The following H3-3B variants were observed in gnomAD, a reference collection of about 807,000 sequenced individuals.
H3-3B encodes the protein histone H3.3.
A neutral mutation model predicts 13.1 loss-of-function variants in H3-3B; 2 were observed. The ratio of observed to expected loss-of-function variants is 0.15; its 90% confidence interval spans 0.06 to 0.48. H3-3B has a LOEUF of 0.48. Among genes scored for constraint, H3-3B ranks in the 20% least tolerant of loss-of-function variants. H3-3B has a pLI of 0.97. For missense variants in H3-3B, 39 were observed against 186.0 expected (o/e 0.21, Z 4.60); for synonymous variants, 133 against 75.8 (o/e 1.76, Z -3.92).
rs959670146 is a variant in H3-3B at position 75,777,113 on chromosome 17, C to G, written c.*1482G>C. The G allele has an allele frequency of 6.6e-6, 1 of 152,178 alleles. No homozygotes were observed. Among genetic ancestry groups the G allele is most frequent in the Admixed American group, 6.5e-5 (1 of 15,280 alleles). 9.4% of individuals were successfully genotyped at this position (152,178 alleles called of 1,614,324 possible). On this transcript the variant is annotated 3_prime_UTR_variant, in exon 4 of 4. Coordinates refer to ENST00000254810, the MANE Select transcript of H3-3B (RefSeq NM_005324.5). ...ATGCTGTCTCACTGACATCCACGTACTATGCTTTAGTGGCCATCATCGCAC... is the reference window on the plus strand; with the variant it reads ...ATGCTGTCTCACTGACATCCACGTAGTATGCTTTAGTGGCCATCATCGCAC...
Position 75,778,373 on chromosome 17 carries a change from A to C in H3-3B, c.*222T>G. ...TGCATCATGAGAAGCAAGAAGTATC[A>C]CCCATCCCTTCTGCATATTAGCAAC... On this transcript the variant is annotated 3_prime_UTR_variant, in exon 4 of 4. Coordinates refer to ENST00000254810, the MANE Select transcript of H3-3B (RefSeq NM_005324.5). 1 of 579,940 alleles carries C rather than the reference A, an allele frequency of 1.7e-6. No homozygotes were observed. The allele number at this position is 579,940 out of a possible 1,614,324, so 35.9% of individuals were successfully genotyped here. A position where few individuals can be genotyped will look rare whatever the true frequency, so the allele number is the denominator to read the frequency against.
rs976287954 is a variant in H3-3B at position 75,776,471 on chromosome 17, G to A, written c.*2124C>T. 3 of 152,144 alleles carry A rather than the reference G, an allele frequency of 2.0e-5. No individual in the cohort carries two copies. Among genetic ancestry groups the A allele is most frequent in the African/African-American group, 4.8e-5 (2 of 41,428 alleles). The allele number at this position is 152,144 out of a possible 1,614,324, so 9.4% of individuals were successfully genotyped here. A position where few individuals can be genotyped will look rare whatever the true frequency, so the allele number is the denominator to read the frequency against. On this transcript the variant is annotated 3_prime_UTR_variant, in exon 4 of 4. Transcript: ENST00000254810. Reference sequence around the variant, plus strand: ...ATTTTATTTTAGTCTCATCCATCAAGGGCATAGGATACCTGCATCAGCTGC... The same window carrying A: ...ATTTTATTTTAGTCTCATCCATCAAAGGCATAGGATACCTGCATCAGCTGC...
rs370608501 is a variant in H3-3B at position 75,778,140 on chromosome 17, CTG to C, written c.*453_*454del. 4.0e-3 allele frequency: 603 copies of C among 151,416 alleles called. 3 individuals carry two copies. Among genetic ancestry groups the C allele is most frequent in the Middle Eastern group, 0.024 (7 of 288 alleles). 9.4% of individuals were successfully genotyped at this position (151,416 alleles called of 1,614,324 possible). On this transcript the variant is annotated 3_prime_UTR_variant, in exon 4 of 4. Coordinates refer to ENST00000254810, the MANE Select transcript of H3-3B (RefSeq NM_005324.5). ...TTACTTTTTTTTTTTTTAAAGGAAACTGTAAGTTACACTGTGGTTAAGACTTG... is the reference window on the plus strand; with the variant it reads ...TTACTTTTTTTTTTTTTAAAGGAAACTAAGTTACACTGTGGTTAAGACTTG...
rs2061654301 is a variant in H3-3B, at chr17:75,779,268, C to A, written c.-10-84G>T. The A allele has an allele frequency of 7.0e-6, 9 of 1,277,916 alleles. No homozygotes were observed. In the East Asian group the frequency reaches 2.5e-4, roughly 35 times the overall value. The allele number at this position is 1,277,916 out of a possible 1,614,324, so 79.2% of individuals were successfully genotyped here. A position where few individuals can be genotyped will look rare whatever the true frequency, so the allele number is the denominator to read the frequency against. ...TGCGGGGGGAGGAACAGATCCTGGC[C>A]CCACCGCCGGGCCTCCCGCCTCCCC... On this transcript the variant is annotated intron_variant, in intron 1 of 3. Transcript: ENST00000254810.
chr17:75,777,886 A>T lies in H3-3B; in HGVS notation c.*709T>A, dbSNP rs554790121. The stretch of plus-strand genomic sequence containing the variant: ...GTTTGCATTATCAGCTAGAGGGTTA[A>T]CATGTGGTAGAATGAGGACTTATGC... On this transcript the variant is annotated 3_prime_UTR_variant, in exon 4 of 4. Transcript: ENST00000254810. 1 of 152,728 alleles carries T rather than the reference A, an allele frequency of 6.5e-6. No individual in the cohort carries two copies. The highest frequency in any genetic ancestry group is 2.4e-5 in the African/African-American group (1 of 41,580). 9.5% of individuals were successfully genotyped at this position (152,728 alleles called of 1,614,324 possible). A position where few individuals can be genotyped will look rare whatever the true frequency, so the allele number is the denominator to read the frequency against.
In H3-3B at chr17:75,778,699, C is replaced by A; in HGVS notation, c.307G>T (p.Gly103Cys). 3.7e-6 allele frequency: 6 copies of A among 1,614,186 alleles called. No individual in the cohort carries two copies. The highest frequency in any genetic ancestry group is 4.2e-6 in the Non-Finnish European group (5 of 1,180,044). Residue 103 changes from glycine to cysteine, a missense_variant, in exon 4 of 4, where the codon GGT (glycine) becomes TGT (cysteine). Gly to Cys is a radical substitution (Grantham distance 159, BLOSUM62 -3). Transcript: ENST00000254810. ...CACAGGTTGGTATCTTCGAACAGACCCACCAGGTACGCTTCGCTAGCCTCC... is the reference window on the plus strand; with the variant it reads ...CACAGGTTGGTATCTTCGAACAGACACACCAGGTACGCTTCGCTAGCCTCC... ...LQEASEAYLVGLFEDTNLCAI... is the reference protein window; with the variant it reads ...LQEASEAYLVCLFEDTNLCAI...
chr17:75,778,533 C>A lies in H3-3B; in HGVS notation c.*62G>T. On this transcript the variant is annotated 3_prime_UTR_variant, in exon 4 of 4. Transcript: ENST00000254810. ...ATAAACAATTTCTTACAAAAAAAGT[C>A]ACAAATTAAACCAAAGTATTTTACA... 2 of 1,558,038 alleles carry A rather than the reference C, an allele frequency of 1.3e-6. No individual in the cohort carries two copies. The highest frequency in any genetic ancestry group is 1.7e-6 in the Non-Finnish European group (2 of 1,152,230).
rs1308045282 is a variant in H3-3B, at chr17:75,778,563, TTAC to T, written c.*29_*31del. 1.3e-6 allele frequency: 2 copies of T among 1,593,830 alleles called. No homozygotes were observed. Among genetic ancestry groups the T allele is most frequent in the East Asian group, 4.5e-5 (2 of 44,638 alleles). The stretch of plus-strand genomic sequence containing the variant: ...ATTAAACCAAAGTATTTTACAGAAT[TTAC>T]TACAAAACGCCATAAAAACTGCCTT... On this transcript the variant is annotated 3_prime_UTR_variant, in exon 4 of 4. Transcript: ENST00000254810.
At chr17:75,778,782 C>T in intron 3 of H3-3B, 28 bp downstream of exon 3, 4 of 1,614,158 alleles carry the variant, frequency 2.5e-6, no homozygotes, top group South Asian at 1.1e-5. Flanking sequence ...CCGCCCAGCC[C>T]TCCCCCGGCT....
rs781292335 is a variant in H3-3B at position 75,778,420 on chromosome 17, G to T, written c.*175C>A. The stretch of plus-strand genomic sequence containing the variant: ...CAACTTGTCACTCCTGAGCAACAGT[G>T]CTCACATCACTGAGGTCTGTGAACA... On this transcript the variant is annotated 3_prime_UTR_variant, in exon 4 of 4. Coordinates refer to ENST00000254810, the MANE Select transcript of H3-3B (RefSeq NM_005324.5). 4 of 826,562 alleles carry T rather than the reference G, an allele frequency of 4.8e-6. No homozygotes were observed. The highest frequency in any genetic ancestry group is 2.8e-5 in the Admixed American group (1 of 35,464). 51.2% of individuals were successfully genotyped at this position (826,562 alleles called of 1,614,324 possible). A position where few individuals can be genotyped will look rare whatever the true frequency, so the allele number is the denominator to read the frequency against.
In H3-3B at chr17:75,779,040, G is replaced by A. The variant is rs1397162328; in HGVS notation, c.128+7C>T. On this transcript the variant is annotated splice_region_variant and intron_variant, in intron 2 of 3. Coordinates refer to ENST00000254810, the MANE Select transcript of H3-3B (RefSeq NM_005324.5). ...CCGCCGGGCCATTGTTCCCCCGCCCGACCTACCTGTAGCGATGAGGCTTCT... is the reference window on the plus strand; with the variant it reads ...CCGCCGGGCCATTGTTCCCCCGCCCAACCTACCTGTAGCGATGAGGCTTCT... 1.9e-6 allele frequency: 3 copies of A among 1,609,716 alleles called. No individual in the cohort carries two copies. The highest frequency in any genetic ancestry group is 2.7e-5 in the African/African-American group (2 of 74,508).
chr17:75,779,024 C>CA, intron 2 of H3-3B, 23 bp downstream of exon 2: 3 of 1,611,488 alleles, frequency 1.9e-6, no homozygotes, highest in Non-Finnish European at 2.5e-6. Context: ...ACCGCCGGGC[C>CA]ATTGTTCCCC....
rs909797647 is a variant in H3-3B, at chr17:75,779,362, C to T, written c.-10-178G>A. On this transcript the variant is annotated intron_variant, in intron 1 of 3. Transcript: ENST00000254810. Reference sequence around the variant, plus strand: ...CCTCCCCCTCCCCTAATGACTCAGGCTGCGAGGAGCGGCAGCCTCCCCCGG... The same window carrying T: ...CCTCCCCCTCCCCTAATGACTCAGGTTGCGAGGAGCGGCAGCCTCCCCCGG... The T allele has an allele frequency of 9.1e-6, 5 of 547,522 alleles. No individual in the cohort carries two copies. The African/African-American group carries it at 9.8e-5, about 11-fold the overall frequency. The allele number at this position is 547,522 out of a possible 1,614,324, so 33.9% of individuals were successfully genotyped here. A position where few individuals can be genotyped will look rare whatever the true frequency, so the allele number is the denominator to read the frequency against.
chr17:75,777,023 A>G lies in H3-3B; in HGVS notation c.*1572T>C, dbSNP rs1039474495. ...CCAAACTTTTGAGAAAGCAATTTTA[A>G]TGGGGTATAACTTTAAGCAGTTGCT... On this transcript the variant is annotated 3_prime_UTR_variant, in exon 4 of 4. Coordinates refer to ENST00000254810, the MANE Select transcript of H3-3B (RefSeq NM_005324.5). The G allele has an allele frequency of 2.0e-5, 3 of 152,212 alleles. No homozygotes were observed. The highest frequency in any genetic ancestry group is 7.2e-5 in the African/African-American group (3 of 41,450). The allele number at this position is 152,212 out of a possible 1,614,324, so 9.4% of individuals were successfully genotyped here.
chr17:75,779,239 G>A (rs1427478943), intron 1 of H3-3B, 55 bp from the exon 2 acceptor site: 4 of 1,416,512 alleles, frequency 2.8e-6, no homozygotes, highest in African/African-American at 1.5e-5. Flanking sequence ...CCGCCCCCCA[G>A]GGCTGCGGGG....
At position 75,779,154 on chromosome 17, in the gene H3-3B, A is replaced by T; in HGVS notation, c.21T>A (p.Thr7=). MARTKQ[T]ARKSTGGKAP... ...CTTTCCCACCGGTGGACTTACGAGC[A>T]GTCTGCTTGGTTCGGGCCATTTTCT... Residue 7 remains threonine (T), a synonymous_variant, in exon 2 of 4, where the codon ACT becomes ACA. Coordinates refer to ENST00000254810, the MANE Select transcript of H3-3B (RefSeq NM_005324.5). The T allele has an allele frequency of 6.3e-7, 1 of 1,580,274 alleles. No individual in the cohort carries two copies. The highest frequency in any genetic ancestry group is 8.6e-7 in the Non-Finnish European group (1 of 1,166,966).
Position 75,778,274 on chromosome 17 carries a change from A to C in H3-3B, c.*321T>G. The C allele has an allele frequency of 4.0e-6, 1 of 252,606 alleles. No homozygotes were observed. The highest frequency in any genetic ancestry group is 5.7e-5 in the South Asian group (1 of 17,400). The allele number at this position is 252,606 out of a possible 1,614,324, so 15.6% of individuals were successfully genotyped here. A position where few individuals can be genotyped will look rare whatever the true frequency, so the allele number is the denominator to read the frequency against. ...ATCAAGTCATAACCAGTTTTATTGCAAAAGGACCCTGTACACATTTATCAA... is the reference window on the plus strand; with the variant it reads ...ATCAAGTCATAACCAGTTTTATTGCCAAAGGACCCTGTACACATTTATCAA... On this transcript the variant is annotated 3_prime_UTR_variant, in exon 4 of 4. Coordinates refer to ENST00000254810, the MANE Select transcript of H3-3B (RefSeq NM_005324.5).
chr17:75,779,230 C>A (rs2061654006), intron 1 of H3-3B, 46 bp from the exon 2 acceptor site: 3 of 1,439,606 alleles, frequency 2.1e-6, no homozygotes, highest in Non-Finnish European at 2.7e-6. Flanking sequence ...TCACCCGGGC[C>A]GCCCCCCAGG....
intron 1 of H3-3B, 59 bp downstream of exon 1, chr17:75,779,575 CCGCTCGGCTCCCAACGGCCGCGG>C (rs1435638367): frequency 6.4e-6 from 1 of 157,152 alleles, no homozygotes; most frequent in African/African-American, 2.4e-5. Context: ...GCAGCCCCCG[CCGCTCGGCTCCCAACGGCCGCGG>C]CGCGCGGCGC....
Sources: allele counts gnomAD v4.1 joint callset, GRCh38; gene constraint gnomAD v4.1.1; transcripts MANE v1.5; gene names NCBI Gene and HGNC (gene_info 2026-07-23, HGNC 2026-07-21).